TDRD1: variants seen among roughly 807,000 people sequenced by gnomAD.
TDRD1 encodes the protein tudor domain containing 1, also known as tudor domain-containing protein 1.
Under a neutral mutation model 140.6 loss-of-function variants are expected in TDRD1, and 37 were observed. The ratio of observed to expected loss-of-function variants is 0.26; its 90% CI spans 0.20 to 0.35. The LOEUF (loss-of-function observed/expected upper bound fraction) is 0.35, where lower values mean the gene tolerates loss of function less well. TDRD1 is among the 10% of genes least tolerant of loss of function. The pLI, the probability that TDRD1 is intolerant of heterozygous loss-of-function variation, is 1.00. For missense variants in TDRD1, 1,243 were observed against 1,393.0 expected (o/e 0.89, Z 1.71); for synonymous variants, 506 against 475.7 (o/e 1.06, Z -0.83).
intron 9 of TDRD1, 143 bp downstream of exon 9, chr10:114,204,359 G>A (rs2034965249): frequency 2.2e-6 from 2 of 928,588 alleles, no homozygotes; most frequent in East Asian, 6.2e-5. Context: ...GGGCTATCTT[G>A]ACCTTATTTA....
At chr10:114,204,646 C>A in intron 9 of TDRD1, 76 bp from the exon 10 acceptor site, 2 of 1,393,318 alleles carry the variant, frequency 1.4e-6, no homozygotes, top group South Asian at 1.5e-5. Flanking sequence ...GAAATACATT[C>A]TTTTATATAC....
At chr10:114,213,215 T>C (rs765730503) in intron 14 of TDRD1, 131 bp from the exon 15 acceptor site, 7 of 808,694 alleles carry the variant, frequency 8.7e-6, no homozygotes, top group Non-Finnish European at 1.3e-5. Context: ...ATTTTTATGT[T>C]CTTCTTAAGT....
exon 2 of TDRD1, chr10:114,187,993 G>A: frequency 6.2e-7 from 1 of 1,614,136 alleles, no homozygotes; most frequent in South Asian, 1.1e-5. Context: ...CTAATTTCAG[G>A]CTGAAAAGCT....
chr10:114,192,136 T>G (rs1407727745), intron 3 of TDRD1, among the ~76,000 whole-genome samples: 1 of 151,954 alleles, frequency 6.6e-6, no homozygotes, highest in African/African-American at 2.4e-5. Flanking sequence ...TTTGCCAATA[T>G]TTTTTCCTAA....
intron 3 of TDRD1, among the ~76,000 whole-genome samples, chr10:114,192,924 T>C (rs1166306544): frequency 6.6e-6 from 1 of 152,232 alleles, no homozygotes; most frequent in South Asian, 2.1e-4. Flanking sequence ...TTAACTATTC[T>C]AATTCCTTTG....
upstream of TDRD1, among the ~76,000 whole-genome samples, chr10:114,177,335 C>G (rs1464192125): frequency 1.3e-5 from 2 of 152,196 alleles, no homozygotes; most frequent in African/African-American, 4.8e-5. Flanking sequence ...ACTACCACAG[C>G]CAGATGACCA....
At chr10:114,198,394 C>T (rs2034512747) in intron 3 of TDRD1, among the ~76,000 whole-genome samples, 1 of 152,168 alleles carries the variant, frequency 6.6e-6, no homozygotes. Context: ...TCTCATCCTC[C>T]TCCCACTTCA....
intron 11 of TDRD1, among the ~76,000 whole-genome samples, chr10:114,208,913 A>G (rs2035302667): frequency 6.6e-6 from 1 of 151,938 alleles, no homozygotes; most frequent in Non-Finnish European, 1.5e-5. Context: ...GGCTGGGACT[A>G]GTAGGTGGGA....
rs1174991438 is a variant in TDRD1, at chr10:114,211,745, A to C, written c.1661-121A>C. The C allele has an allele frequency of 3.1e-6, 3 of 981,720 alleles. No homozygotes were observed. The East Asian group carries it at 8.8e-5, about 29-fold the overall frequency. The allele number at this position is 981,720 out of a possible 1,614,324, so 60.8% of individuals were successfully genotyped here. On this transcript the variant is annotated intron_variant, in intron 13 of 25. Coordinates refer to ENST00000251864, the Ensembl canonical transcript of TDRD1. The stretch of plus-strand genomic sequence containing the variant: ...AAGCAAAATTAGTAAACATTGTTCT[A>C]TAAGCTTGATATCTATTAAAGAAAA...
At chr10:114,230,938 G>A (rs955699788) in intron 25 of TDRD1, among the ~76,000 whole-genome samples, 6 of 152,104 alleles carry the variant, frequency 3.9e-5, no homozygotes, top group African/African-American at 1.4e-4. Flanking sequence ...GAGGTGGCGT[G>A]CACCTGTAGT....
chr10:114,204,527 G>A (rs1462935568), intron 9 of TDRD1, among the ~76,000 whole-genome samples, 195 bp from the exon 10 acceptor site: 1 of 152,062 alleles, frequency 6.6e-6, no homozygotes, highest in Non-Finnish European at 1.5e-5. Flanking sequence ...CCAGCTTCAA[G>A]TACCAAAAGT....
At chr10:114,183,220 A>C (rs2033236619) in intron 1 of TDRD1, among the ~76,000 whole-genome samples, 1 of 152,322 alleles carries the variant, frequency 6.6e-6, no homozygotes, top group Non-Finnish European at 1.5e-5. Flanking sequence ...GTGTTATGAA[A>C]GACTCTCGGG....
intron 4 of TDRD1, among the ~76,000 whole-genome samples, chr10:114,199,954 A>G (rs2034620622): frequency 6.6e-6 from 1 of 152,216 alleles, no homozygotes; most frequent in Non-Finnish European, 1.5e-5. Context: ...GTTTTCATTT[A>G]TTGTGGGTGC....
chr10:114,218,639 C>A, intron 18 of TDRD1, 55 bp downstream of exon 18: 1 of 1,254,498 alleles, frequency 8.0e-7, no homozygotes, highest in Non-Finnish European at 1.1e-6. Context: ...GGCATATAAT[C>A]CAAGTGTTAA....
rs570704961 is a variant in TDRD1 at position 114,186,328 on chromosome 10, A to G, written c.-6-1498A>G. ...GCCCAGGTTGAAGTGCAGTGGCACAATCTCGGCTCACTGCAAGCTCCGCCT... is the reference window on the plus strand; with the variant it reads ...GCCCAGGTTGAAGTGCAGTGGCACAGTCTCGGCTCACTGCAAGCTCCGCCT... On this transcript the variant is annotated intron_variant, in intron 1 of 25. Coordinates refer to ENST00000251864, the Ensembl canonical transcript of TDRD1. Among the ~76,000 whole-genome samples the G allele has an allele frequency of 3.3e-5, 5 of 152,166 alleles. No homozygotes were observed. In the South Asian group the frequency reaches 6.2e-4, roughly 19 times the overall value.
intron 9 of TDRD1, 142 bp from the exon 10 acceptor site, chr10:114,204,580 T>C: frequency 4.8e-6 from 4 of 834,954 alleles, no homozygotes; most frequent in Non-Finnish European, 7.1e-6. Flanking sequence ...ATAATAATTA[T>C]ACAGAAAATT....
chr10:114,222,817 GAAATT>G (rs1263059437), intron 21 of TDRD1, 114 bp downstream of exon 21: 9 of 596,206 alleles, frequency 1.5e-5, no homozygotes, highest in African/African-American at 5.7e-5. Flanking sequence ...TTTAGGGAGA[GAAATT>G]AAGGAAGGCA....
At chr10:114,203,002 T>A in intron 6 of TDRD1, 70 bp from the exon 7 acceptor site, 1 of 986,648 alleles carries the variant, frequency 1.0e-6, no homozygotes, top group Non-Finnish European at 1.6e-6. Flanking sequence ...AGTTCCGACG[T>A]GTAGTGGCCA....
intron 13 of TDRD1, among the ~76,000 whole-genome samples, chr10:114,211,378 C>T (rs1344206877): frequency 1.3e-5 from 2 of 152,178 alleles, no homozygotes; most frequent in Admixed American, 1.3e-4. Flanking sequence ...TTTTGGACGG[C>T]ACAAGTCCTG....
Sources: gnomAD v4.1 joint callset for allele counts (sites outside exome capture counted in the v4.1 genomes callset) on GRCh38, gnomAD v4.1.1 for gene constraint, MANE v1.5 for transcripts, NCBI Gene and HGNC (gene_info 2026-07-23, HGNC 2026-07-21) for gene names.